NTRK3: variants seen among roughly 807,000 people sequenced by gnomAD.
NTRK3 encodes the protein neurotrophic receptor tyrosine kinase 3.
NTRK3 carries 24 observed loss-of-function variants against 91.7 expected under a neutral mutation model. That is an observed-to-expected ratio of 0.26 (90% confidence interval 0.19 to 0.37). The LOEUF (loss-of-function observed/expected upper bound fraction) is 0.37. NTRK3 is among the 10% of genes least tolerant of loss of function. The probability of loss-of-function intolerance (pLI) is 1.00; values close to 1 mark genes in which losing one functional copy is unlikely to be tolerated. For missense variants in NTRK3, 880 were observed against 1,068.9 expected (o/e 0.82, Z 2.46); for synonymous variants, 483 against 404.0 (o/e 1.20, Z -2.34).
intron 13 of NTRK3, among the ~76,000 whole-genome samples, chr15:88,104,403 T>C (rs935337552): frequency 6.6e-6 from 1 of 152,244 alleles, no homozygotes; most frequent in Non-Finnish European, 1.5e-5. Flanking sequence ...GACTGTAACC[T>C]GAGCTCATGT....
chr15:88,175,333 G>T (rs1341702679), intron 5 of NTRK3, among the ~76,000 whole-genome samples: 2 of 152,042 alleles, frequency 1.3e-5, no homozygotes, highest in African/African-American at 4.8e-5. Flanking sequence ...CCCCACACAG[G>T]CTCTGAAAGC....
chr15:88,196,032 A>C (rs905668042), intron 3 of NTRK3, among the ~76,000 whole-genome samples: 20 of 152,234 alleles, frequency 1.3e-4, no homozygotes, highest in African/African-American at 4.6e-4. Context: ...GGAAGTTATA[A>C]AGGCGAATTG....
At chr15:87,880,563 A>G (rs2065185461) in intron 17 of NTRK3, 135 bp from the exon 19 acceptor site, 2 of 1,051,842 alleles carry the variant, frequency 1.9e-6, no homozygotes, top group African/African-American at 1.6e-5. Flanking sequence ...TGCAACTTCT[A>G]TCAGAGGTGT....
chr15:88,002,425 C>G (rs1363912796), intron 14 of NTRK3, among the ~76,000 whole-genome samples: 1 of 152,124 alleles, frequency 6.6e-6, no homozygotes, highest in African/African-American at 2.4e-5. Context: ...TGCCCCAGCC[C>G]TCATCCCTGA....
intron 14 of NTRK3, among the ~76,000 whole-genome samples, chr15:87,971,867 C>G (rs572527640): frequency 6.6e-6 from 1 of 152,312 alleles, no homozygotes; most frequent in South Asian, 2.1e-4. Flanking sequence ...TTTTGAAGGT[C>G]AGGATTTCAT....
intron 3 of NTRK3, among the ~76,000 whole-genome samples, chr15:88,222,540 C>T (rs1048058784): frequency 1.1e-4 from 16 of 152,246 alleles, no homozygotes; most frequent in African/African-American, 3.9e-4. Context: ...ATTTCTAGAA[C>T]ATTTCACACA....
chr15:88,208,519 T>C (rs978338994), intron 3 of NTRK3, among the ~76,000 whole-genome samples: 1 of 152,152 alleles, frequency 6.6e-6, no homozygotes, highest in African/African-American at 2.4e-5. Flanking sequence ...TAGGTCAGAA[T>C]GAGGCGGGGT....
chr15:88,102,725 A>G (rs1203090956), intron 13 of NTRK3, among the ~76,000 whole-genome samples: 1 of 152,158 alleles, frequency 6.6e-6, no homozygotes, highest in African/African-American at 2.4e-5. Flanking sequence ...CCCCTCCGAA[A>G]TCTCCCCAAG....
chr15:87,969,625 A>G (rs1282129789), intron 14 of NTRK3, among the ~76,000 whole-genome samples: 1 of 152,138 alleles, frequency 6.6e-6, no homozygotes, highest in Non-Finnish European at 1.5e-5. Context: ...TTTCTTAAAT[A>G]TCACAAAACC....
chr15:88,045,421 G>A (rs1454435507), intron 13 of NTRK3, among the ~76,000 whole-genome samples: 2 of 152,126 alleles, frequency 1.3e-5, no homozygotes, highest in Non-Finnish European at 2.9e-5. Flanking sequence ...TACAAGGCAA[G>A]GACTCTATCC....
intron 13 of NTRK3, among the ~76,000 whole-genome samples, chr15:88,041,151 A>C (rs529049888): frequency 2.6e-5 from 4 of 152,210 alleles, no homozygotes; most frequent in Non-Finnish European, 5.9e-5. Context: ...ATTGGGGCTA[A>C]ATCAGTGCAT....
intron 13 of NTRK3, among the ~76,000 whole-genome samples, chr15:88,096,928 T>A (rs1221802983): frequency 6.6e-6 from 1 of 152,234 alleles, no homozygotes; most frequent in Non-Finnish European, 1.5e-5. Context: ...TATCTCAGAG[T>A]TGACTTTTGG....
At chr15:87,860,103 G>A (rs1275892810) in exon 19 of NTRK3, 2 of 215,068 alleles carry the variant, frequency 9.3e-6, no homozygotes, top group Non-Finnish European at 1.9e-5. Context: ...AAGAATGGTT[G>A]ATTTGTATTA....
At chr15:88,180,938 G>A (rs564583923) in intron 5 of NTRK3, among the ~76,000 whole-genome samples, 41 of 152,242 alleles carry the variant, frequency 2.7e-4, no homozygotes, top group African/African-American at 8.9e-4. Flanking sequence ...AATAAAACCC[G>A]TGGATAAAGC....
intron 13 of NTRK3, among the ~76,000 whole-genome samples, chr15:88,046,910 T>C (rs1194437870): frequency 2.6e-5 from 4 of 152,194 alleles, no homozygotes; most frequent in Admixed American, 6.5e-5. Context: ...CCAAAATCAA[T>C]TGAAATAACA....
chr15:88,205,218 T>G (rs1370629714), intron 3 of NTRK3, among the ~76,000 whole-genome samples: 3 of 152,198 alleles, frequency 2.0e-5, no homozygotes, highest in Non-Finnish European at 4.4e-5. Context: ...GCATTTCAGC[T>G]GGAGCCTTGA....
At chr15:88,206,214 G>T (rs550736144) in intron 3 of NTRK3, among the ~76,000 whole-genome samples, 2 of 148,028 alleles carry the variant, frequency 1.4e-5, no homozygotes, top group African/African-American at 2.5e-5. Context: ...GCGAGGTGGC[G>T]GGCACCTGTA....
At chr15:87,899,289 C>A (rs2066313308) in intron 17 of NTRK3, among the ~76,000 whole-genome samples, 1 of 152,110 alleles carries the variant, frequency 6.6e-6, no homozygotes, top group African/African-American at 2.4e-5. Flanking sequence ...TGGACTGTAG[C>A]TCTTTCAACG....
chr15:88,227,353 C>G (rs147041972), intron 3 of NTRK3, among the ~76,000 whole-genome samples: 2 of 152,194 alleles, frequency 1.3e-5, no homozygotes, highest in African/African-American at 4.8e-5. Flanking sequence ...AGTCCTAGCC[C>G]CTACCTAGAG....
Sources: allele counts gnomAD v4.1 joint callset (sites outside exome capture counted in the v4.1 genomes callset), GRCh38; gene constraint gnomAD v4.1.1; transcripts MANE v1.5; gene names NCBI Gene and HGNC (gene_info 2026-07-23, HGNC 2026-07-21).